TMEM108: variants seen among roughly 807,000 people sequenced by gnomAD.
TMEM108 encodes the protein cancer/testis antigen 124.
Under a neutral mutation model 35.1 loss-of-function variants are expected in TMEM108, and 12 were observed. That is an observed-to-expected ratio of 0.34 (90% CI 0.22 to 0.55). TMEM108 has a LOEUF of 0.55. TMEM108 is among the 20% of genes least tolerant of loss of function. The probability of loss-of-function intolerance (pLI) is 0.89; values close to 1 mark genes in which losing one functional copy is unlikely to be tolerated. For missense variants in TMEM108, 680 were observed against 753.3 expected (o/e 0.90, Z 1.14); for synonymous variants, 287 against 308.6 (o/e 0.93, Z 0.73).
At chr3:133,309,177 A>G (rs577483349) in intron 3 of TMEM108, among the ~76,000 whole-genome samples, 2 of 152,244 alleles carry the variant, frequency 1.3e-5, no homozygotes, top group South Asian at 4.1e-4. Context: ...CTCTGATGGT[A>G]GTTTGTATTT....
At chr3:133,293,937 G>A (rs559998923) in intron 3 of TMEM108, among the ~76,000 whole-genome samples, 2 of 152,208 alleles carry the variant, frequency 1.3e-5, no homozygotes, top group Non-Finnish European at 2.9e-5. Context: ...ATCAGCTTCC[G>A]TACACCAAGG....
intron 3 of TMEM108, among the ~76,000 whole-genome samples, chr3:133,259,348 A>G (rs1357579283): frequency 2.6e-5 from 4 of 152,124 alleles, no homozygotes; most frequent in African/African-American, 7.2e-5. Flanking sequence ...TGCTTGAGGA[A>G]CCACTAGAGG....
chr3:133,289,675 C>G lies in TMEM108; in HGVS notation c.40+60324C>G, dbSNP rs529915649. On this transcript the variant is annotated intron_variant, in intron 3 of 5. Transcript: ENST00000321871. ...TGTAGTGCCCTTTAGGTATACATAT[C>G]CCATTAGGAAGTAAGGGCAGATTTA... Among the ~76,000 whole-genome samples, 4 of 152,222 alleles carry G rather than the reference C, an allele frequency of 2.6e-5. No homozygotes were observed. In the South Asian group the frequency reaches 6.2e-4, roughly 24 times the overall value.
At chr3:133,305,943 A>G (rs2071028748) in intron 3 of TMEM108, among the ~76,000 whole-genome samples, 1 of 151,980 alleles carries the variant, frequency 6.6e-6, no homozygotes, top group East Asian at 1.9e-4. Context: ...TAAGAGCCCA[A>G]TTTTTTATTG....
chr3:133,108,938 TAACA>T (rs1403705325), intron 2 of TMEM108, among the ~76,000 whole-genome samples: 1 of 151,950 alleles, frequency 6.6e-6, no homozygotes, highest in Admixed American at 6.6e-5. Context: ...TATACATATG[TAACA>T]AACCTGCACA....
chr3:133,315,209 C>T (rs531253859), intron 3 of TMEM108, among the ~76,000 whole-genome samples: 70 of 152,146 alleles, frequency 4.6e-4, no homozygotes, highest in Non-Finnish European at 7.8e-4. Flanking sequence ...GGATTAATAT[C>T]CTGTTTTTAT....
In TMEM108 at chr3:133,103,814, C is replaced by T. The variant is rs149206336; in HGVS notation, c.-47+57794C>T. Among the ~76,000 whole-genome samples the T allele has an allele frequency of 4.8e-3, 730 of 152,258 alleles. 6 individuals are homozygous for T. Among genetic ancestry groups the T allele is most frequent in the Middle Eastern group, 0.031 (9 of 294 alleles). Reference sequence around the variant, plus strand: ...ATGAAGACTGGAGGTCAGATGTAGGCCATGCCTCTTAGGCAAGTCAGGTCC... The same window carrying T: ...ATGAAGACTGGAGGTCAGATGTAGGTCATGCCTCTTAGGCAAGTCAGGTCC... On this transcript the variant is annotated intron_variant, in intron 2 of 5. Transcript: ENST00000321871.
chr3:133,297,818 A>T (rs144067286), intron 3 of TMEM108, among the ~76,000 whole-genome samples: 1 of 152,218 alleles, frequency 6.6e-6, no homozygotes, highest in South Asian at 2.1e-4. Context: ...GCACCCCTCC[A>T]GGCGAAAGCT....
At chr3:133,305,026 T>A (rs939341593) in intron 3 of TMEM108, among the ~76,000 whole-genome samples, 1 of 151,932 alleles carries the variant, frequency 6.6e-6, no homozygotes, top group Non-Finnish European at 1.5e-5. Context: ...GAGATTACGG[T>A]AAGCCAAGAT....
intron 3 of TMEM108, among the ~76,000 whole-genome samples, chr3:133,272,272 C>CATGTGT (rs373072243): frequency 1.2e-4 from 16 of 137,838 alleles, no homozygotes; most frequent in African/African-American, 4.3e-4. Flanking sequence ...CATACACGTA[C>CATGTGT]GTGTGTGTGT....
chr3:133,089,832 A>G (rs1054325456), intron 2 of TMEM108, among the ~76,000 whole-genome samples: 2 of 152,204 alleles, frequency 1.3e-5, no homozygotes, highest in Non-Finnish European at 1.5e-5. Context: ...GACAGCAAAT[A>G]GATTTGTTTG....
chr3:133,304,971 T>C (rs1329716841), intron 3 of TMEM108, among the ~76,000 whole-genome samples: 1 of 151,920 alleles, frequency 6.6e-6, no homozygotes, highest in East Asian at 1.9e-4. Context: ...TAATCCCAGC[T>C]ACTCGGGAGG....
chr3:133,376,129 G>A (rs889221953), intron 3 of TMEM108, among the ~76,000 whole-genome samples: 10 of 152,332 alleles, frequency 6.6e-5, no homozygotes, highest in East Asian at 3.9e-4. Context: ...CTTAGGCTGT[G>A]TATCTTACAG....
At chr3:133,183,025 G>A (rs1455617198) in intron 2 of TMEM108, among the ~76,000 whole-genome samples, 3 of 152,130 alleles carry the variant, frequency 2.0e-5, no homozygotes, top group Non-Finnish European at 4.4e-5. Context: ...TTTAGATTTC[G>A]AAGTATTTAC....
At chr3:133,117,664 G>C (rs1359665248) in intron 2 of TMEM108, among the ~76,000 whole-genome samples, 1 of 152,166 alleles carries the variant, frequency 6.6e-6, no homozygotes, top group Non-Finnish European at 1.5e-5. Flanking sequence ...TTGTGGCAAA[G>C]TTGTCATGTT....
At chr3:133,330,448 A>G (rs2071382306) in intron 3 of TMEM108, among the ~76,000 whole-genome samples, 1 of 152,026 alleles carries the variant, frequency 6.6e-6, no homozygotes, top group African/African-American at 2.4e-5. Context: ...GAATATGAGA[A>G]TATGTATTAT....
At chr3:133,070,741 A>ATGTGTGTG (rs1354545717) in intron 2 of TMEM108, among the ~76,000 whole-genome samples, 5 of 86,186 alleles carry the variant, frequency 5.8e-5, no homozygotes, top group Non-Finnish European at 1.4e-4. Context: ...GCTTTCTCTG[A>ATGTGTGTG]TGTATGTGTG....
At chr3:133,072,854 T>C (rs1017212246) in intron 2 of TMEM108, among the ~76,000 whole-genome samples, 1 of 152,130 alleles carries the variant, frequency 6.6e-6, no homozygotes, top group East Asian at 1.9e-4. Context: ...TAATCTACTT[T>C]GTATCTCTGG....
intron 2 of TMEM108, among the ~76,000 whole-genome samples, chr3:133,072,944 A>C (rs908598459): frequency 2.0e-5 from 3 of 152,096 alleles, no homozygotes; most frequent in African/African-American, 7.2e-5. Context: ...TTACTTAGCA[A>C]ATGTTTCCAA....
Sources: gnomAD v4.1 joint callset for allele counts (sites outside exome capture counted in the v4.1 genomes callset) on GRCh38, gnomAD v4.1.1 for gene constraint, MANE v1.5 for transcripts, NCBI Gene and HGNC (gene_info 2026-07-23, HGNC 2026-07-21) for gene names.